TASP1: variants seen among roughly 807,000 people sequenced by gnomAD.
The protein encoded by TASP1 is taspase 1, also known as threonine aspartase 1.
Under a neutral mutation model 56.6 loss-of-function variants are expected in TASP1, and 16 were observed. The ratio of observed to expected loss-of-function variants is 0.28; its 90% CI spans 0.19 to 0.43. TASP1 has a LOEUF of 0.43. Among genes scored for constraint, TASP1 ranks in the 20% least tolerant of loss-of-function variants. The pLI is 1.00. For missense variants in TASP1, 393 were observed against 511.6 expected (o/e 0.77, Z 2.24); for synonymous variants, 179 against 184.2 (o/e 0.97, Z 0.23).
chr20:13,362,516 T>C, the TASP1 span, among the ~76,000 whole-genome samples: 10,223 of 99,584 alleles, frequency 0.1, 1,212 homozygotes, highest in African/African-American at 0.2. Flanking sequence ...TGAGAACAAA[T>C]CCCCTTTGAC....
At chr20:13,482,190 G>A (rs1252590186) in intron 11 of TASP1, among the ~76,000 whole-genome samples, 2 of 152,140 alleles carry the variant, frequency 1.3e-5, no homozygotes, top group Admixed American at 6.6e-5. Context: ...CAGAGCGTAT[G>A]TTCTTGACAA....
chr20:13,463,148 T>C (rs2044118648), intron 11 of TASP1, among the ~76,000 whole-genome samples: 1 of 152,022 alleles, frequency 6.6e-6, no homozygotes, highest in South Asian at 2.1e-4. Context: ...CAAAAGAGTA[T>C]GGTAATGGCA....
intron 11 of TASP1, among the ~76,000 whole-genome samples, chr20:13,470,480 G>A (rs1048687147): frequency 6.6e-6 from 1 of 151,840 alleles, no homozygotes; most frequent in African/African-American, 2.4e-5. Context: ...CCACTTAAAT[G>A]CATTCTATAC....
chr20:13,630,015 C>T lies in TASP1; in HGVS notation c.64G>A (p.Ala22Thr). ...GLPSRSSQVSAGKITAKELET... is the reference protein window; with the variant it reads ...GLPSRSSQVSTGKITAKELET... ...AACTCTTTGGCTGTTATTTTACCAG[C>T]CGAAACCTGAGATGATCTGGAAGGC... is the stretch of plus-strand genomic sequence containing the variant. The change falls in exon 2 of 14, where the codon GCT becomes ACT. Residue 22 changes from alanine (A) to threonine (T), a missense_variant. Physicochemically the swap from Ala to Thr is moderately conservative, Grantham distance 58. Coordinates refer to ENST00000337743, the MANE Select transcript of TASP1 (RefSeq NM_017714.3). The T allele has an allele frequency of 6.2e-7, 1 of 1,613,980 alleles. No individual in the cohort carries two copies. The highest frequency in any genetic ancestry group is 1.1e-5 in the South Asian group (1 of 91,008).
intron 4 of TASP1, among the ~76,000 whole-genome samples, chr20:13,620,898 A>C (rs184903188): frequency 2.0e-5 from 3 of 152,162 alleles, no homozygotes; most frequent in Admixed American, 2.0e-4. Context: ...CCCCAACTGA[A>C]CTCCATCTGA....
chr20:13,178,795 GGATACAAAATTACAGCTA>G, the TASP1 span, among the ~76,000 whole-genome samples: 5 of 151,830 alleles, frequency 3.3e-5, no homozygotes, highest in Admixed American at 6.6e-5. Context: ...ACTTATTGAA[GGATACAAAATTACAGCTA>G]GATACAAAAT....
At chr20:13,447,023 G>A (rs976664540) in intron 11 of TASP1, among the ~76,000 whole-genome samples, 4 of 152,024 alleles carry the variant, frequency 2.6e-5, no homozygotes, top group Non-Finnish European at 4.4e-5. Context: ...CCTTTCACAC[G>A]TGTATGAATA....
chr20:13,356,245 G>T, the TASP1 span, among the ~76,000 whole-genome samples: 3 of 152,170 alleles, frequency 2.0e-5, no homozygotes, highest in Non-Finnish European at 4.4e-5. Context: ...TCAAGAGTTG[G>T]GAATGCAGCA....
At chr20:13,135,887 T>G in the TASP1 span, among the ~76,000 whole-genome samples, 25 of 152,220 alleles carry the variant, frequency 1.6e-4, no homozygotes, top group Non-Finnish European at 2.5e-4. Flanking sequence ...ATCACCAACT[T>G]TCTGAATCAC....
chr20:13,515,430 G>A (rs2044485213), intron 10 of TASP1, among the ~76,000 whole-genome samples: 11 of 151,682 alleles, frequency 7.3e-5, no homozygotes, highest in Admixed American at 7.2e-4. Context: ...ACTGTCTGTG[G>A]ACCAGCAGCA....
chr20:13,285,180 A>G, the TASP1 span, among the ~76,000 whole-genome samples: 16 of 152,052 alleles, frequency 1.1e-4, no homozygotes, highest in South Asian at 2.1e-4. Context: ...AGTCCCAGCT[A>G]CTCAGGAGGC....
At chr20:13,364,356 T>C in the TASP1 span, among the ~76,000 whole-genome samples, 85 of 152,256 alleles carry the variant, frequency 5.6e-4, no homozygotes, top group African/African-American at 1.8e-3. Context: ...GAGAGGACCA[T>C]GTCATCTCAA....
At chr20:13,502,518 C>A (rs954170137) in intron 10 of TASP1, among the ~76,000 whole-genome samples, 2 of 152,104 alleles carry the variant, frequency 1.3e-5, no homozygotes, top group African/African-American at 4.8e-5. Context: ...ATAAAACTAA[C>A]AATATATTAT....
intron 8 of TASP1, among the ~76,000 whole-genome samples, chr20:13,552,416 G>A (rs1294890031): frequency 2.0e-5 from 3 of 152,140 alleles, no homozygotes; most frequent in Admixed American, 1.3e-4. Context: ...AAGTGATAAT[G>A]CTGGAAGTGA....
the TASP1 span, among the ~76,000 whole-genome samples, chr20:13,335,851 CA>C: frequency 6.6e-6 from 1 of 151,970 alleles, no homozygotes; most frequent in South Asian, 2.1e-4. Context: ...CAACCACCTC[CA>C]AGAGAAGTTG....
intron 2 of TASP1, 87 bp downstream of exon 2, chr20:13,629,846 AG>A: frequency 6.3e-7 from 1 of 1,586,246 alleles, no homozygotes; most frequent in Non-Finnish European, 8.6e-7. Flanking sequence ...GCCTCCTCCA[AG>A]TGTGAAATGT....
At chr20:13,378,059 C>T in the TASP1 span, among the ~76,000 whole-genome samples, 23 of 151,646 alleles carry the variant, frequency 1.5e-4, no homozygotes, top group African/African-American at 4.6e-4. Context: ...AAGGATTTTT[C>T]GTGTCTCTAT....
chr20:13,413,668 A>G (rs1054276180), intron 13 of TASP1, among the ~76,000 whole-genome samples: 1 of 152,212 alleles, frequency 6.6e-6, no homozygotes, highest in Admixed American at 6.5e-5. Flanking sequence ...TTCAAGTACA[A>G]GACCCAAAGA....
chr20:13,240,350 C>T, the TASP1 span, among the ~76,000 whole-genome samples: 1 of 152,108 alleles, frequency 6.6e-6, no homozygotes, highest in Non-Finnish European at 1.5e-5. Flanking sequence ...GGAGTTCCTA[C>T]TAAAAGAGGG....
Sources: allele counts gnomAD v4.1 joint callset (sites outside exome capture counted in the v4.1 genomes callset), GRCh38; gene constraint gnomAD v4.1.1; transcripts MANE v1.5; gene names NCBI Gene and HGNC (gene_info 2026-07-23, HGNC 2026-07-21).